TM2D1: variants seen among roughly 807,000 people sequenced by gnomAD.
TM2D1 encodes the protein TM2 domain containing 1.
TM2D1 carries 15 observed loss-of-function variants against 28.4 expected under a neutral mutation model. The ratio of observed to expected loss-of-function variants is 0.53; its 90% CI spans 0.35 to 0.81. The LOEUF (loss-of-function observed/expected upper bound fraction) is 0.81, where lower values mean the gene tolerates loss of function less well. Ranked by LOEUF, TM2D1 falls within the 40% of genes least tolerant of loss-of-function variation. The pLI is 0.01. For synonymous variants in TM2D1, 93 were observed against 96.2 expected, an observed-to-expected ratio of 0.97 and a Z score of 0.20; for missense variants, 236 against 254.9, an observed-to-expected ratio of 0.93 and a Z score of 0.50.
At chr1:61,706,036 G>A (rs766199809) in intron 3 of TM2D1, among the ~76,000 whole-genome samples, 25 of 152,216 alleles carry the variant, frequency 1.6e-4, no homozygotes, top group Admixed American at 5.9e-4. Context: ...AGAATGTATC[G>A]CTGAGTCTTT....
chr1:61,723,760 T>C lies in TM2D1; in HGVS notation c.191A>G (p.Asn64Ser). The change falls in exon 2 of 7, where the codon AAT (asparagine) becomes AGT (serine). Residue 64 changes from asparagine to serine, a missense_variant. By Grantham distance (46) the Asn-to-Ser change is conservative (BLOSUM62 1). Coordinates refer to ENST00000606498, the MANE Select transcript of TM2D1 (RefSeq NM_032027.3). ...GTTAACTGGTTCTTGCGTAGCGTCA[T>C]TTATTTTTGGATCTTTACAAATATA... ...GQYICKDPKI[N>S]DATQEPVNCT... 1 of 1,555,668 alleles carries C rather than the reference T, an allele frequency of 6.4e-7. No homozygotes were observed. The highest frequency in any genetic ancestry group is 8.7e-7 in the Non-Finnish European group (1 of 1,143,798).
In TM2D1 at chr1:61,681,061, C is replaced by T. The variant is rs1443411961; in HGVS notation, c.*309G>A. On this transcript the variant is annotated 3_prime_UTR_variant, in exon 7 of 7. Coordinates refer to ENST00000606498, the MANE Select transcript of TM2D1 (RefSeq NM_032027.3). ...GCACTAAAAATGTGAATAAGTTATA[C>T]TTTTATTTTTCAGAAACAAAAATGA... 1 of 153,742 alleles carries T rather than the reference C, an allele frequency of 6.5e-6. No homozygotes were observed. The highest frequency in any genetic ancestry group is 1.5e-5 in the Non-Finnish European group (1 of 68,034). The allele number at this position is 153,742 out of a possible 1,614,324, so 9.5% of individuals were successfully genotyped here. A position where few individuals can be genotyped will look rare whatever the true frequency, so the allele number is the denominator to read the frequency against.
chr1:61,693,479 A>C (rs914212864), intron 5 of TM2D1, among the ~76,000 whole-genome samples: 1 of 152,210 alleles, frequency 6.6e-6, no homozygotes, highest in Non-Finnish European at 1.5e-5. Context: ...TGAAAGTGAG[A>C]AGCTCATTTC....
At chr1:61,703,718 TTATATATATATATATATA>T (rs56267637) in intron 3 of TM2D1, among the ~76,000 whole-genome samples, 2,160 of 99,088 alleles carry the variant, frequency 0.022, 130 homozygotes, top group African/African-American at 0.078. Flanking sequence ...TAGCCAATCT[TTATATATATATATATATA>T]TATATATATA....
chr1:61,682,979 G>C (rs1644256235), intron 6 of TM2D1, among the ~76,000 whole-genome samples: 1 of 152,008 alleles, frequency 6.6e-6, no homozygotes, highest in Non-Finnish European at 1.5e-5. Context: ...GTTAGAAGAA[G>C]CACTTACAGG....
intron 3 of TM2D1, among the ~76,000 whole-genome samples, chr1:61,703,559 T>G (rs947300836): frequency 7.0e-6 from 1 of 142,994 alleles, no homozygotes; most frequent in Non-Finnish European, 1.5e-5. Context: ...ATTACAGGCA[T>G]GTGCCACCAC....
intron 2 of TM2D1, among the ~76,000 whole-genome samples, chr1:61,717,761 T>A (rs1028154475): frequency 6.6e-6 from 1 of 151,858 alleles, no homozygotes; most frequent in African/African-American, 2.4e-5. Context: ...GTGATGTTTT[T>A]CAAATACACA....
At chr1:61,709,962 T>C (rs1017841151) in intron 2 of TM2D1, among the ~76,000 whole-genome samples, 1 of 152,182 alleles carries the variant, frequency 6.6e-6, no homozygotes, top group African/African-American at 2.4e-5. Flanking sequence ...TATTTCAGAA[T>C]TTAAGCAATC....
chr1:61,715,315 C>T (rs375636767), intron 2 of TM2D1, among the ~76,000 whole-genome samples: 3 of 152,032 alleles, frequency 2.0e-5, no homozygotes, highest in South Asian at 4.1e-4. Flanking sequence ...CTCTCTGAAT[C>T]GTGTTTCCAA....
At chr1:61,709,471 T>C (rs535304565) in intron 2 of TM2D1, 34 bp from the exon 3 acceptor site, 1 of 1,476,780 alleles carries the variant, frequency 6.8e-7, no homozygotes, top group African/African-American at 1.4e-5. Flanking sequence ...ACTGTTATTT[T>C]TTTTTTCTGG....
chr1:61,705,415 A>T (rs1644433476), intron 3 of TM2D1, among the ~76,000 whole-genome samples: 1 of 152,052 alleles, frequency 6.6e-6, no homozygotes, highest in Admixed American at 6.6e-5. Flanking sequence ...TGAACTCCTG[A>T]CCTCAAGCGA....
chr1:61,696,634 A>ATCCAC (rs1210569201), intron 4 of TM2D1, among the ~76,000 whole-genome samples: 17 of 152,178 alleles, frequency 1.1e-4, no homozygotes, highest in African/African-American at 4.1e-4. Context: ...ATCCATGAAG[A>ATCCAC]ATAGGTAATC....
rs575531392 is a variant in TM2D1, at chr1:61,684,120, T to C, written c.514-574A>G. On this transcript the variant is annotated intron_variant, in intron 5 of 6. Coordinates refer to ENST00000606498, the MANE Select transcript of TM2D1 (RefSeq NM_032027.3). ...CCACCTGGAATGGAAAAGGAAGAGG[T>C]AGAAAAAAACAACACATGTTCGCTA... is the stretch of plus-strand genomic sequence containing the variant. Among the ~76,000 whole-genome samples, 52 of 152,136 alleles carry C rather than the reference T, an allele frequency of 3.4e-4. 2 individuals carry two copies. In the Middle Eastern group the frequency reaches 0.01, roughly 30 times the overall value.
chr1:61,706,129 T>C (rs939764089), intron 3 of TM2D1, among the ~76,000 whole-genome samples: 9 of 152,174 alleles, frequency 5.9e-5, no homozygotes, highest in African/African-American at 2.2e-4. Context: ...TCCAGTTATC[T>C]TAGCTTTGCC....
chr1:61,688,126 A>G (rs556376911), intron 5 of TM2D1, among the ~76,000 whole-genome samples: 179 of 152,356 alleles, frequency 1.2e-3, no homozygotes, highest in African/African-American at 4.2e-3. Context: ...TGACCAATAT[A>G]AACACTATTC....
chr1:61,692,024 CAT>C (rs767181154), intron 5 of TM2D1, among the ~76,000 whole-genome samples: 19 of 132,450 alleles, frequency 1.4e-4, no homozygotes, highest in Non-Finnish European at 2.1e-4. Context: ...TATGAATAAC[CAT>C]ATATATATAT....
chr1:61,686,512 A>C (rs140136109), intron 5 of TM2D1, among the ~76,000 whole-genome samples: 51 of 152,010 alleles, frequency 3.4e-4, no homozygotes, highest in African/African-American at 1.2e-3. Context: ...AAAATACAAG[A>C]ATTAGTCAGG....
intron 3 of TM2D1, among the ~76,000 whole-genome samples, chr1:61,704,440 T>C (rs1357966685): frequency 1.3e-5 from 2 of 152,094 alleles, no homozygotes; most frequent in African/African-American, 2.4e-5. Flanking sequence ...TGTTTTGTTT[T>C]GTTTTTTTGA....
intron 4 of TM2D1, among the ~76,000 whole-genome samples, chr1:61,695,770 GTA>G (rs1435235665): frequency 6.6e-6 from 1 of 152,148 alleles, no homozygotes; most frequent in Non-Finnish European, 1.5e-5. Flanking sequence ...AATGTTGCAA[GTA>G]CAGAAATAAC....
Sources: gnomAD v4.1 joint callset for allele counts (sites outside exome capture counted in the v4.1 genomes callset) on GRCh38, gnomAD v4.1.1 for gene constraint, MANE v1.5 for transcripts, NCBI Gene and HGNC (gene_info 2026-07-23, HGNC 2026-07-21) for gene names.